KIF13B: variants seen among roughly 807,000 people sequenced by gnomAD.
KIF13B encodes kinesin family member 13B.
A neutral mutation model predicts 222.0 loss-of-function variants in KIF13B; 127 were observed. That is an observed-to-expected ratio of 0.57 (90% CI 0.50 to 0.66). The LOEUF is 0.66. Ranked by LOEUF, KIF13B falls within the 30% of genes least tolerant of loss-of-function variation. The probability of loss-of-function intolerance (pLI) is 0.00; values close to 1 mark genes in which losing one functional copy is unlikely to be tolerated. For missense variants in KIF13B, 2,173 were observed against 2,379.0 expected, an observed-to-expected ratio of 0.91 and a Z score of 1.80; for synonymous variants, 976 against 919.0, an observed-to-expected ratio of 1.06 and a Z score of -1.12.
chr8:29,194,175 A>G (rs1563776693), intron 3 of KIF13B, among the ~76,000 whole-genome samples: 1 of 151,220 alleles, frequency 6.6e-6, no homozygotes, highest in Non-Finnish European at 1.5e-5. Context: ...TTTAAAAACT[A>G]TTTTCAATCT....
rs769143965 is a variant in KIF13B at position 29,070,640 on chromosome 8, C to T, written c.5345G>A (p.Arg1782Gln). ...CCGGCGGGCCTCGGGGGCACCCAGC[C>T]GGAGTCCTGTGCTGCGCCGCCGCAC... ...GPVRRRSTGLRLGAPEARRSA... is the reference protein window; with the variant it reads ...GPVRRRSTGLQLGAPEARRSA... The change falls in exon 40 of 40, where the codon CGG becomes CAG. Residue 1782 changes from arginine (R) to glutamine (Q), a missense_variant. By Grantham distance (43) the Arg-to-Gln change is conservative. This residue lies in a region of KIF13B where 693 missense variants were observed against 656.2 expected (regional missense o/e 1.06). Transcript: ENST00000524189. The surrounding 1 kb of genome is among the most constrained non-coding windows in gnomAD (Gnocchi z 4.1). The T allele has an allele frequency of 3.8e-5, 60 of 1,568,904 alleles. No individual in the cohort carries two copies. The highest frequency in any genetic ancestry group is 3.8e-4 in the East Asian group (16 of 42,154).
chr8:29,193,908 C>T (rs1472762705), intron 3 of KIF13B, among the ~76,000 whole-genome samples: 2 of 152,164 alleles, frequency 1.3e-5, no homozygotes, highest in South Asian at 2.1e-4. Flanking sequence ...AGCTCCACCT[C>T]CCAGGTTCAC....
Position 29,072,297 on chromosome 8 carries a change from G to T in KIF13B, c.4541C>A (p.Pro1514His). 1 of 1,436,158 alleles carries T rather than the reference G, an allele frequency of 7.0e-7. No individual in the cohort carries two copies. 89.0% of individuals were successfully genotyped at this position (1,436,158 alleles called of 1,614,324 possible). The change falls in exon 39 of 40, where the codon CCT becomes CAT. Residue 1514 changes from proline to histidine, a missense_variant. By Grantham distance (77) the Pro-to-His change is moderately conservative. Transcript: ENST00000524189. ...RMEEAQPEMG[P>H]DVLVQTMGAP... ...CCCCATCGTCTGCACCAGCACGTCA[G>T]GGCCCATCTCCGGCTGAGCCTGCAG...
intron 1 of KIF13B, among the ~76,000 whole-genome samples, chr8:29,262,297 A>G (rs569778864): frequency 5.9e-5 from 9 of 152,360 alleles, no homozygotes; most frequent in African/African-American, 2.2e-4. Context: ...CAATTCCACA[A>G]GAATCTTGGC....
chr8:29,146,587 A>G, intron 17 of KIF13B, 47 bp from the exon 18 acceptor site: 1 of 1,542,942 alleles, frequency 6.5e-7, no homozygotes, highest in Non-Finnish European at 8.8e-7. Context: ...AGATTAACAC[A>G]AAGCAGCTAG....
At chr8:29,076,940 A>G (rs988790681) in intron 37 of KIF13B, among the ~76,000 whole-genome samples, 2 of 152,196 alleles carry the variant, frequency 1.3e-5, no homozygotes, top group Middle Eastern at 3.4e-3. Flanking sequence ...ACACCACCAC[A>G]CTCCACCCTG....
chr8:29,122,617 ATG>A lies in KIF13B; in HGVS notation c.3507_3508del (p.Ile1170SerfsTer10). The A allele has an allele frequency of 6.2e-7, 1 of 1,610,472 alleles. No individual in the cohort carries two copies. Among genetic ancestry groups the A allele is most frequent in the Non-Finnish European group, 8.5e-7 (1 of 1,178,318 alleles). ...ATTTAAGTCCAGGAATATAACAGGA[ATG>A]TGTGTCTCCATCCCAGGTACTGGGG... On this transcript the variant is annotated frameshift_variant, in exon 29 of 40. Transcript: ENST00000524189. LOFTEE classifies it high-confidence loss of function.
Position 29,092,660 on chromosome 8 carries a change from C to T in KIF13B, c.4458+85G>A, listed in dbSNP as rs1413847371. 17 of 1,410,906 alleles carry T rather than the reference C, an allele frequency of 1.2e-5. No individual in the cohort carries two copies. In the East Asian group the frequency reaches 3.3e-4, roughly 28 times the overall value. The allele number at this position is 1,410,906 out of a possible 1,614,324, so 87.4% of individuals were successfully genotyped here. On this transcript the variant is annotated intron_variant, in intron 37 of 39. Coordinates refer to ENST00000524189, the MANE Select transcript of KIF13B (RefSeq NM_015254.4). ...CCCAGTTTAGCCCCAACCCAGAGGC[C>T]GCACCTCCACCTCCAGCTTTGGCGC...
chr8:29,106,500 C>T (rs1214350644), intron 35 of KIF13B, among the ~76,000 whole-genome samples: 18 of 151,356 alleles, frequency 1.2e-4, no homozygotes, highest in East Asian at 5.8e-4. Flanking sequence ...GGCGTGGTGG[C>T]GAGTGCCTGC....
chr8:29,219,212 C>T (rs1258855538), intron 2 of KIF13B: 1 of 152,322 alleles, frequency 6.6e-6, no homozygotes, highest in African/African-American at 2.4e-5. Context: ...GAGAACAACC[C>T]AGCCAATGCA....
intron 2 of KIF13B, among the ~76,000 whole-genome samples, chr8:29,217,512 G>A (rs1481688124): frequency 6.6e-6 from 1 of 152,120 alleles, no homozygotes; most frequent in African/African-American, 2.4e-5. Flanking sequence ...AACAGTGCCT[G>A]GCACATAATA....
At chr8:29,123,606 C>T (rs1475935971) in intron 27 of KIF13B, 114 bp from the exon 28 acceptor site, 23 of 1,390,464 alleles carry the variant, frequency 1.7e-5, no homozygotes, top group Middle Eastern at 1.9e-4. Flanking sequence ...CAAGTGCTCC[C>T]CAGTGATAAA....
chr8:29,167,242 T>A, intron 11 of KIF13B, 131 bp downstream of exon 11: 1 of 647,356 alleles, frequency 1.5e-6, no homozygotes, highest in South Asian at 1.9e-5. Flanking sequence ...CATCCCAAAG[T>A]TCTCTTGCTG....
chr8:29,093,068 C>T (rs1586765085), intron 36 of KIF13B, among the ~76,000 whole-genome samples, 190 bp from the exon 37 acceptor site: 1 of 152,138 alleles, frequency 6.6e-6, no homozygotes, highest in East Asian at 1.9e-4. Context: ...GTCTCTTTTT[C>T]AATTAAATAG....
At chr8:29,169,133 A>G (rs1325637833) in intron 10 of KIF13B, among the ~76,000 whole-genome samples, 1 of 152,220 alleles carries the variant, frequency 6.6e-6, no homozygotes, top group Non-Finnish European at 1.5e-5. Flanking sequence ...GGCTTTTCCA[A>G]TCTTATTACA....
chr8:29,183,482 C>T (rs369592239), intron 6 of KIF13B, among the ~76,000 whole-genome samples: 3 of 152,086 alleles, frequency 2.0e-5, no homozygotes, highest in East Asian at 3.9e-4. Context: ...GGTTCTTTGA[C>T]GCCTATGAAG....
At chr8:29,166,167 T>C (rs1243511905) in intron 11 of KIF13B, among the ~76,000 whole-genome samples, 2 of 152,212 alleles carry the variant, frequency 1.3e-5, no homozygotes, top group Admixed American at 1.3e-4. Context: ...AGACTAAATG[T>C]GTACATGTTG....
chr8:29,115,945 T>C (rs894056492), intron 31 of KIF13B, among the ~76,000 whole-genome samples: 2 of 152,226 alleles, frequency 1.3e-5, no homozygotes, highest in Non-Finnish European at 2.9e-5. Context: ...GCTGAATTCT[T>C]CCTTCTCTTA....
intron 11 of KIF13B, among the ~76,000 whole-genome samples, chr8:29,166,105 T>G (rs1227025405): frequency 6.6e-6 from 1 of 152,242 alleles, no homozygotes. Context: ...CTCAGACACA[T>G]GATTCATTCT....
Sources: allele counts gnomAD v4.1 joint callset (sites outside exome capture counted in the v4.1 genomes callset), GRCh38; gene constraint gnomAD v4.1.1; regional missense constraint gnomAD v4.1.1; non-coding constraint Gnocchi (gnomAD v3.1); transcripts MANE v1.5; gene names NCBI Gene and HGNC (gene_info 2026-07-23, HGNC 2026-07-21).